Variants in MTRFR observed in about 807,000 individuals in gnomAD.
MTRFR encodes the protein probable peptide chain release factor C12orf65, mitochondrial.
Under a neutral mutation model 11.9 loss-of-function variants are expected in MTRFR, and 10 were observed. The ratio of observed to expected loss-of-function variants is 0.84; its 90% CI spans 0.52 to 1.42. MTRFR has a LOEUF of 1.42. Ranked by LOEUF, MTRFR falls within the 40% of genes most tolerant of loss-of-function variation. The pLI is 0.00. For missense variants in MTRFR, 196 were observed against 197.9 expected, an observed-to-expected ratio of 0.99 and a Z score of 0.06; for synonymous variants, 77 against 79.1, an observed-to-expected ratio of 0.97 and a Z score of 0.14.
intron 1 of MTRFR, among the ~76,000 whole-genome samples, chr12:123,236,945 C>T (rs1259191481): frequency 4.0e-5 from 6 of 151,890 alleles, no homozygotes; most frequent in African/African-American, 1.5e-4. Flanking sequence ...ATTAGCCAAG[C>T]GTGGCGGCAT....
intron 2 of MTRFR, chr12:123,254,574 A>G (rs1418360819): frequency 6.5e-6 from 1 of 153,648 alleles, no homozygotes; most frequent in East Asian, 1.9e-4. Flanking sequence ...GAGGCCAGGC[A>G]TTTTCCAACC....
At chr12:123,238,287 G>A (rs548043591) in intron 1 of MTRFR, among the ~76,000 whole-genome samples, 25 of 152,098 alleles carry the variant, frequency 1.6e-4, no homozygotes, top group Admixed American at 2.0e-4. Flanking sequence ...CCTGCTGGCC[G>A]TTTTGTCTTT....
chr12:123,239,803 TCTC>T (rs2047903326), intron 1 of MTRFR, among the ~76,000 whole-genome samples: 1 of 152,048 alleles, frequency 6.6e-6, no homozygotes, highest in Admixed American at 6.6e-5. Flanking sequence ...AGTTTCCCAA[TCTC>T]CTTGTTTCCA....
intron 1 of MTRFR, among the ~76,000 whole-genome samples, chr12:123,235,085 T>C (rs1027480045): frequency 2.6e-5 from 4 of 152,062 alleles, no homozygotes; most frequent in Non-Finnish European, 4.4e-5. Context: ...AAGACAACAG[T>C]GTATGTGGTG....
intron 1 of MTRFR, chr12:123,248,225 C>T (rs1593282509): frequency 9.3e-6 from 1 of 107,280 alleles, no homozygotes; most frequent in Non-Finnish European, 2.3e-5. Context: ...ATATGTGATA[C>T]TTAGTTTTGC....
At chr12:123,233,699 G>GA (rs2047772375) in intron 1 of MTRFR, 168 bp downstream of exon 1, 1 of 152,284 alleles carries the variant, frequency 6.6e-6, no homozygotes, top group Non-Finnish European at 1.5e-5. Context: ...GGCCGGCCGT[G>GA]ACACCCGAGC....
intron 1 of MTRFR, chr12:123,248,516 A>T (rs373892339): frequency 6.6e-6 from 1 of 152,656 alleles, no homozygotes. Flanking sequence ...GTGTGTCCAG[A>T]GTTTGTTCCT....
chr12:123,257,208 G>A lies in MTRFR; in HGVS notation c.*177G>A. 4.7e-6 allele frequency: 3 copies of A among 635,270 alleles called. No homozygotes were observed. Among genetic ancestry groups the A allele is most frequent in the South Asian group, 3.8e-5 (2 of 52,222 alleles). 39.4% of individuals were successfully genotyped at this position (635,270 alleles called of 1,614,324 possible). On this transcript the variant is annotated 3_prime_UTR_variant, in exon 3 of 3. Coordinates refer to ENST00000253233, the MANE Select transcript of MTRFR (RefSeq NM_152269.5). ...AACTGTAGTGAACAGAGACATGCACGATTCAAGAATAAAACTCGGCTGGGC... is the reference window on the plus strand; with the variant it reads ...AACTGTAGTGAACAGAGACATGCACAATTCAAGAATAAAACTCGGCTGGGC...
chr12:123,257,244 G>A lies in MTRFR; in HGVS notation c.*213G>A. 2 of 528,076 alleles carry A rather than the reference G, an allele frequency of 3.8e-6. 1 individual carries two copies. The highest frequency in any genetic ancestry group is 4.3e-5 in the South Asian group (2 of 46,834). The allele number at this position is 528,076 out of a possible 1,614,324, so 32.7% of individuals were successfully genotyped here. ...AAAACTCGGCTGGGCACGGTGGACG[G>A]TGCCTCACATCTGTAATCCCAGCAC... On this transcript the variant is annotated 3_prime_UTR_variant, in exon 3 of 3. Coordinates refer to ENST00000253233, the MANE Select transcript of MTRFR (RefSeq NM_152269.5).
intron 1 of MTRFR, among the ~76,000 whole-genome samples, chr12:123,245,899 G>A (rs1227815399): frequency 1.3e-5 from 2 of 152,008 alleles, no homozygotes; most frequent in South Asian, 2.1e-4. Context: ...CCTTTATTTC[G>A]TTATCTTGTA....
At chr12:123,251,274 C>T (rs746793089) in intron 1 of MTRFR, 1 of 152,276 alleles carries the variant, frequency 6.6e-6, no homozygotes, top group East Asian at 1.9e-4. Context: ...CTCCCAGCAG[C>T]GAAAGAAAAG....
At chr12:123,239,414 G>GA (rs2047896254) in intron 1 of MTRFR, among the ~76,000 whole-genome samples, 2 of 94,078 alleles carry the variant, frequency 2.1e-5, no homozygotes, top group Admixed American at 2.4e-4. Flanking sequence ...TTTTTTGTTT[G>GA]TTTTTTTGAG....
chr12:123,257,075 C>T lies in MTRFR; in HGVS notation c.*44C>T. The T allele has an allele frequency of 6.8e-7, 1 of 1,471,218 alleles. No homozygotes were observed. Among genetic ancestry groups the T allele is most frequent in the East Asian group, 2.3e-5 (1 of 44,138 alleles). 91.1% of individuals were successfully genotyped at this position (1,471,218 alleles called of 1,614,324 possible). ...CAACTGACAGAATCTGCCAGAAGCT[C>T]CCAGGGAATAATGGTGGCGAGTTCC... On this transcript the variant is annotated 3_prime_UTR_variant, in exon 3 of 3. Transcript: ENST00000253233.
At chr12:123,253,266 C>G (rs2048138371) in intron 1 of MTRFR, 1 of 278,030 alleles carries the variant, frequency 3.6e-6, no homozygotes, top group South Asian at 3.6e-5. Context: ...TCTTGAACTC[C>G]TGACCTTGTG....
chr12:123,245,983 A>C (rs797015522), intron 1 of MTRFR, among the ~76,000 whole-genome samples: 5 of 152,098 alleles, frequency 3.3e-5, no homozygotes, highest in Middle Eastern at 3.2e-3. Flanking sequence ...TCTTGTTCCA[A>C]TTCTCAGGGG....
At chr12:123,245,090 ATGCGCCCACCAC>A (rs1197194753) in intron 1 of MTRFR, among the ~76,000 whole-genome samples, 5 of 151,544 alleles carry the variant, frequency 3.3e-5, no homozygotes, top group African/African-American at 4.9e-5. Context: ...CTGGGATTAC[ATGCGCCCACCAC>A]TGCGCCCGGC....
At chr12:123,247,705 G>A (rs2138777567) in intron 1 of MTRFR, among the ~76,000 whole-genome samples, 1 of 152,256 alleles carries the variant, frequency 6.6e-6, no homozygotes, top group South Asian at 2.1e-4. Flanking sequence ...CAGCACTTTG[G>A]GAGGCCAAGG....
chr12:123,248,052 T>G (rs1182091489), intron 1 of MTRFR, among the ~76,000 whole-genome samples: 1 of 152,214 alleles, frequency 6.6e-6, no homozygotes, highest in Non-Finnish European at 1.5e-5. Flanking sequence ...TATTTTTGTT[T>G]TATAGGTCCT....
chr12:123,244,964 CAG>C (rs2048015984), intron 1 of MTRFR, among the ~76,000 whole-genome samples: 1 of 54,314 alleles, frequency 1.8e-5, no homozygotes, highest in African/African-American at 7.1e-5. Flanking sequence ...TTTTTTTAGA[CAG>C]AGTCTTACTC....
Sources: allele counts gnomAD v4.1 joint callset (sites outside exome capture counted in the v4.1 genomes callset), GRCh38; gene constraint gnomAD v4.1.1; transcripts MANE v1.5; gene names NCBI Gene and HGNC (gene_info 2026-07-23, HGNC 2026-07-21).